Variants in CAMK4 observed in about 807,000 individuals in gnomAD.
The protein encoded by CAMK4 is calcium/calmodulin-dependent protein kinase type IV.
In CAMK4, 22 loss-of-function variants were observed where a neutral mutation model predicts 44.9. The ratio of observed to expected loss-of-function variants is 0.49; its 90% confidence interval spans 0.35 to 0.70. CAMK4 has a LOEUF of 0.70. Among genes scored for constraint, CAMK4 ranks in the 30% least tolerant of loss-of-function variants. CAMK4 has a pLI of 0.01. For missense variants in CAMK4, 498 were observed against 586.8 expected, an observed-to-expected ratio of 0.85 and a Z score of 1.56; for synonymous variants, 218 against 215.4, an observed-to-expected ratio of 1.01 and a Z score of -0.11.
At chr5:111,234,961 A>G (rs1287751467) in intron 1 of CAMK4, among the ~76,000 whole-genome samples, 1 of 152,220 alleles carries the variant, frequency 6.6e-6, no homozygotes, top group Non-Finnish European at 1.5e-5. Flanking sequence ...GGAGAAGATA[A>G]CAGATCTATA....
chr5:111,242,329 A>C (rs986724056), intron 1 of CAMK4, among the ~76,000 whole-genome samples: 8 of 152,228 alleles, frequency 5.3e-5, no homozygotes, highest in African/African-American at 9.6e-5. Context: ...TATTATGAAG[A>C]TTAAATGAAA....
chr5:111,484,088 C>T lies in CAMK4; in HGVS notation c.1044C>T (p.Ser348=). 1 of 1,612,768 alleles carries T rather than the reference C, an allele frequency of 6.2e-7. No individual in the cohort carries two copies. The change falls in exon 11 of 11, where the codon AGC becomes AGT. Residue 348 remains serine (S), a synonymous_variant. Transcript: ENST00000282356. The surrounding 1 kb of genome is among the most constrained non-coding windows in gnomAD (Gnocchi z 5.3). ...RLGSASSSHG[S]IQESHKASRD... The stretch of plus-strand genomic sequence containing the variant: ...GAAGTGCCAGCAGCAGCCATGGCAG[C>T]ATCCAGGAGAGCCACAAGGCTAGCC...
chr5:111,239,588 A>G (rs1048738502), intron 1 of CAMK4, among the ~76,000 whole-genome samples: 10 of 152,196 alleles, frequency 6.6e-5, no homozygotes, highest in Admixed American at 2.0e-4. Context: ...CCTGCAATAG[A>G]GTCCCAGTTC....
chr5:111,473,162 T>C (rs1755121942), intron 7 of CAMK4, 149 bp from the exon 8 acceptor site: 2 of 667,454 alleles, frequency 3.0e-6, no homozygotes, highest in Admixed American at 2.6e-5. Flanking sequence ...TAAGTATTTA[T>C]AGCTTCATAC....
At chr5:111,358,603 T>C (rs1353366659) in intron 2 of CAMK4, among the ~76,000 whole-genome samples, 2 of 151,862 alleles carry the variant, frequency 1.3e-5, no homozygotes, top group Non-Finnish European at 1.5e-5. Context: ...GGGATACATA[T>C]GCAGGTTTGT....
upstream of CAMK4, chr5:111,224,210 A>G (rs1244692414): frequency 2.3e-5 from 7 of 304,052 alleles, no homozygotes; most frequent in East Asian, 4.9e-4. This position sits in a 1 kb window ranked among gnomAD's most constrained non-coding sequence, Gnocchi z 5.7. Context: ...GGAGGGAAGG[A>G]GCGAGGGGGA....
At position 111,372,401 on chromosome 5, in the gene CAMK4, C is replaced by G. The variant is rs191363481; in HGVS notation, c.241-2449C>G. On this transcript the variant is annotated intron_variant, in intron 2 of 10. Coordinates refer to ENST00000282356, the MANE Select transcript of CAMK4 (RefSeq NM_001744.6). Reference sequence around the variant, plus strand: ...GAATAGGCACATAAATCAAGCAAGGCTAATGATAATACTATTTGAGATTAG... The same window carrying G: ...GAATAGGCACATAAATCAAGCAAGGGTAATGATAATACTATTTGAGATTAG... 5.3e-5 allele frequency among the ~76,000 whole-genome samples: 8 copies of G among 152,140 alleles called. No homozygotes were observed. In the East Asian group the frequency reaches 1.6e-3, roughly 29 times the overall value.
At chr5:111,386,434 C>T (rs772651034) in intron 4 of CAMK4, among the ~76,000 whole-genome samples, 1 of 152,104 alleles carries the variant, frequency 6.6e-6, no homozygotes, top group Non-Finnish European at 1.5e-5. Flanking sequence ...GAAAAAGCTG[C>T]GAGTGGTGGG....
chr5:111,458,514 A>G (rs1339197384), intron 7 of CAMK4, among the ~76,000 whole-genome samples: 2 of 152,226 alleles, frequency 1.3e-5, no homozygotes, highest in Non-Finnish European at 2.9e-5. Flanking sequence ...TATGTTGTAA[A>G]GACATAGCAG....
chr5:111,397,113 A>G (rs1338372676), intron 5 of CAMK4, among the ~76,000 whole-genome samples: 3 of 152,224 alleles, frequency 2.0e-5, no homozygotes, highest in Non-Finnish European at 1.5e-5. Context: ...CTTGCTGGCC[A>G]TAGCCCACTA....
chr5:111,246,174 C>G (rs1749229582), intron 1 of CAMK4, among the ~76,000 whole-genome samples: 1 of 152,160 alleles, frequency 6.6e-6, no homozygotes, highest in Non-Finnish European at 1.5e-5. Flanking sequence ...GAGGTTTGTT[C>G]ACATAAATGT....
intron 5 of CAMK4, among the ~76,000 whole-genome samples, chr5:111,421,368 A>G (rs550195300): frequency 2.5e-4 from 38 of 152,262 alleles, no homozygotes; most frequent in Non-Finnish European, 4.4e-4. Flanking sequence ...TTGTTTTTTT[A>G]CTTTGACTAA....
In CAMK4 at chr5:111,484,217, G is replaced by A. The variant is rs2112505531; in HGVS notation, c.1173G>A (p.Gln391=). 6.2e-7 allele frequency: 1 copy of A among 1,614,134 alleles called. No homozygotes were observed. Among genetic ancestry groups the A allele is most frequent in the East Asian group, 2.2e-5 (1 of 44,892 alleles). Residue 391 remains glutamine, a synonymous_variant, in exon 11 of 11, where the codon CAG becomes CAA. Transcript: ENST00000282356. The surrounding 1 kb of genome is among the most constrained non-coding windows in gnomAD (Gnocchi z 5.3). The part of the protein sequence containing the change: ...DGAQAAVKGA[Q]AELMKVQALE... ...CCCAAGCCGCAGTTAAGGGGGCACAGGCTGAGCTGATGAAGGTGCAAGCCT... is the reference window on the plus strand; with the variant it reads ...CCCAAGCCGCAGTTAAGGGGGCACAAGCTGAGCTGATGAAGGTGCAAGCCT...
At chr5:111,335,484 A>G (rs1373307109) in intron 1 of CAMK4, among the ~76,000 whole-genome samples, 1 of 151,360 alleles carries the variant, frequency 6.6e-6, no homozygotes, top group Non-Finnish European at 1.5e-5. Flanking sequence ...AAACCAATTT[A>G]TCTTTTTTTA....
intron 2 of CAMK4, among the ~76,000 whole-genome samples, chr5:111,359,644 T>C (rs1386389344): frequency 6.6e-6 from 1 of 152,186 alleles, no homozygotes; most frequent in South Asian, 2.1e-4. Context: ...ATCTTCATCA[T>C]GAATTCCTTG....
chr5:111,295,045 T>C (rs1347111857), intron 1 of CAMK4, among the ~76,000 whole-genome samples: 1 of 152,208 alleles, frequency 6.6e-6, no homozygotes, highest in African/African-American at 2.4e-5. Flanking sequence ...TTTAAAAGTC[T>C]TACAGATTTA....
chr5:111,232,362 G>A (rs1162613035), intron 1 of CAMK4, among the ~76,000 whole-genome samples: 1 of 152,148 alleles, frequency 6.6e-6, no homozygotes, highest in Non-Finnish European at 1.5e-5. Flanking sequence ...GTCTTTATGG[G>A]GGAGGGGTAG....
rs537937221 is a variant in CAMK4 at position 111,460,038 on chromosome 5, G to A, written c.625+10835G>A. Among the ~76,000 whole-genome samples, 3 of 152,064 alleles carry A rather than the reference G, an allele frequency of 2.0e-5. No individual in the cohort carries two copies. The East Asian group carries it at 5.8e-4, about 29-fold the overall frequency. On this transcript the variant is annotated intron_variant, in intron 7 of 10. Coordinates refer to ENST00000282356, the MANE Select transcript of CAMK4 (RefSeq NM_001744.6). ...GGGTGGGATGATGGGAGGAAAAGAG[G>A]TCAAAAGGAAGAGGTGATTGATAGC... is the stretch of plus-strand genomic sequence containing the variant.
rs1403205914 is a variant in CAMK4 at position 111,242,114 on chromosome 5, T to C, written c.161+17470T>C. On this transcript the variant is annotated intron_variant, in intron 1 of 10. Coordinates refer to ENST00000282356, the MANE Select transcript of CAMK4 (RefSeq NM_001744.6). ...CCCAAACAACAGCCACAAGAAAACCTGGTGTCCTGCTTGTGTAGCCCACCT... is the reference window on the plus strand; with the variant it reads ...CCCAAACAACAGCCACAAGAAAACCCGGTGTCCTGCTTGTGTAGCCCACCT... Among the ~76,000 whole-genome samples the C allele has an allele frequency of 5.3e-5, 8 of 152,310 alleles. No individual in the cohort carries two copies. In the East Asian group the frequency reaches 1.3e-3, roughly 26 times the overall value.
Sources: allele counts gnomAD v4.1 joint callset (sites outside exome capture counted in the v4.1 genomes callset), GRCh38; gene constraint gnomAD v4.1.1; non-coding constraint Gnocchi (gnomAD v3.1); transcripts MANE v1.5; gene names NCBI Gene and HGNC (gene_info 2026-07-23, HGNC 2026-07-21).